MAML1: variants seen among roughly 807,000 people sequenced by gnomAD.
MAML1 encodes the protein mastermind like transcriptional coactivator 1.
A neutral mutation model predicts 77.1 loss-of-function variants in MAML1; 14 were observed. The ratio of observed to expected loss-of-function variants is 0.18; its 90% CI spans 0.12 to 0.28. The LOEUF (loss-of-function observed/expected upper bound fraction) is 0.28, where lower values mean the gene tolerates loss of function less well. MAML1 is among the 10% of genes least tolerant of loss of function. The pLI, the probability that MAML1 is intolerant of heterozygous loss-of-function variation, is 1.00. For synonymous variants in MAML1, 516 were observed against 551.9 expected (o/e 0.93, Z 0.91); for missense variants, 1,217 against 1,327.8 (o/e 0.92, Z 1.30).
At chr5:179,750,543 T>C (rs116663304) in intron 1 of MAML1, among the ~76,000 whole-genome samples, 5,604 of 151,942 alleles carry the variant, frequency 0.037, 126 homozygotes, top group African/African-American at 0.053. Context: ...TCACTGCAAC[T>C]TCTGCTTCCC....
chr5:179,745,359 C>T lies in MAML1; in HGVS notation c.315+11932C>T, dbSNP rs761668378. Among the ~76,000 whole-genome samples, 63 of 152,012 alleles carry T rather than the reference C, an allele frequency of 4.1e-4. 1 individual carries two copies. The highest frequency in any genetic ancestry group is 1.0e-4 in the Non-Finnish European group (7 of 68,010). On this transcript the variant is annotated intron_variant, in intron 1 of 4. Coordinates refer to ENST00000292599, the MANE Select transcript of MAML1 (RefSeq NM_014757.5). The stretch of plus-strand genomic sequence containing the variant: ...CAAAGTAAGAGTTCTCAGTTCAGTT[C>T]TTGTTTTTGTTTTTGTAAATTTAAG...
In MAML1 at chr5:179,765,995, C is replaced by A; in HGVS notation, c.985C>A (p.Pro329Thr). 1 of 1,608,694 alleles carries A rather than the reference C, an allele frequency of 6.2e-7. No individual in the cohort carries two copies. Among genetic ancestry groups the A allele is most frequent in the South Asian group, 1.1e-5 (1 of 90,410 alleles). The change falls in exon 2 of 5, where the codon CCT (proline) becomes ACT (threonine). Residue 329 changes from proline to threonine, a missense_variant. Pro to Thr is a conservative substitution (Grantham distance 38). This residue lies in a region of MAML1 where 884 missense variants were observed against 949.3 expected (regional missense o/e 0.93). Transcript: ENST00000292599. ...GTCTGCAGGGCAGACCTTTCTGGGGCCTTCCTCTGCCCCTGTGAGTACAGA... is the reference window on the plus strand; with the variant it reads ...GTCTGCAGGGCAGACCTTTCTGGGGACTTCCTCTGCCCCTGTGAGTACAGA... ...AGSAGQTFLG[P>T]SSAPVSTDSP...
intron 4 of MAML1, among the ~76,000 whole-genome samples, chr5:179,772,367 T>C (rs1375602162): frequency 6.6e-6 from 1 of 152,204 alleles, no homozygotes; most frequent in Non-Finnish European, 1.5e-5. Context: ...TCTGCCCGCC[T>C]TGGCCTCCCA....
intron 1 of MAML1, among the ~76,000 whole-genome samples, chr5:179,764,369 G>A (rs1779773830): frequency 6.6e-6 from 1 of 152,136 alleles, no homozygotes; most frequent in Non-Finnish European, 1.5e-5. Context: ...ATAAGAAGTA[G>A]TGAGGGGCCG....
intron 1 of MAML1, among the ~76,000 whole-genome samples, chr5:179,743,665 C>G (rs2113341062): frequency 6.6e-6 from 1 of 152,108 alleles, no homozygotes; most frequent in South Asian, 2.1e-4. Context: ...GCGCCCGGCC[C>G]TCGCTCACAC....
chr5:179,766,243 G>A lies in MAML1; in HGVS notation c.1233G>A (p.Met411Ile). 6.2e-7 allele frequency: 1 copy of A among 1,613,890 alleles called. No individual in the cohort carries two copies. Among genetic ancestry groups the A allele is most frequent in the South Asian group, 1.1e-5 (1 of 91,040 alleles). The change falls in exon 2 of 5, where the codon ATG (methionine) becomes ATA (isoleucine). Residue 411 changes from methionine (M) to isoleucine (I), a missense_variant. This residue lies in a region of MAML1 where 884 missense variants were observed against 949.3 expected (regional missense o/e 0.93). Transcript: ENST00000292599. This position sits in a 1 kb window ranked among gnomAD's most constrained non-coding sequence, Gnocchi z 4.0. The stretch of plus-strand genomic sequence containing the variant: ...CTGCCAAGCAGAAGCGCGAGCAGAT[G>A]CTCCAGAACCCACAGCAGGCCACCC... ...QIAAKQKREQMLQNPQQATPA... is the reference protein window; with the variant it reads ...QIAAKQKREQILQNPQQATPA...
In MAML1 at chr5:179,769,991, G is replaced by A. The variant is rs1408937517; in HGVS notation, c.1971+902G>A. Among the ~76,000 whole-genome samples the A allele has an allele frequency of 1.3e-5, 2 of 152,200 alleles. No homozygotes were observed. Among genetic ancestry groups the A allele is most frequent in the Non-Finnish European group, 2.9e-5 (2 of 68,032 alleles). ...CACAGCATACACTTCACCCACGTAA[G>A]TGAACAATTTAGTCATTTTTAGTAT... is the stretch of plus-strand genomic sequence containing the variant. On this transcript the variant is annotated intron_variant, in intron 3 of 4. Transcript: ENST00000292599. This position sits in a 1 kb window ranked among gnomAD's most constrained non-coding sequence, Gnocchi z 4.2.
rs200769535 is a variant in MAML1 at position 179,755,782 on chromosome 5, T to A, written c.316-9544T>A. On this transcript the variant is annotated intron_variant, in intron 1 of 4. Transcript: ENST00000292599. The stretch of plus-strand genomic sequence containing the variant: ...GGCCCAAGACAGTTTTTTTTTTTTT[T>A]AAGACAGAGTCTCATTCTGTCACCC... Among the ~76,000 whole-genome samples, 15 of 151,846 alleles carry A rather than the reference T, an allele frequency of 9.9e-5. No individual in the cohort carries two copies. In the East Asian group the frequency reaches 1.6e-3, roughly 16 times the overall value.
At chr5:179,764,733 G>A (rs1309386866) in intron 1 of MAML1, among the ~76,000 whole-genome samples, 1 of 151,756 alleles carries the variant, frequency 6.6e-6, no homozygotes, top group Non-Finnish European at 1.5e-5. Context: ...AGGCTGAGAC[G>A]GGTGAATCAC....
chr5:179,771,263 C>T lies in MAML1; in HGVS notation c.2068+20C>T, dbSNP rs9329089. On this transcript the variant is annotated intron_variant, in intron 4 of 4. Coordinates refer to ENST00000292599, the MANE Select transcript of MAML1 (RefSeq NM_014757.5). The surrounding 1 kb of genome is among the most constrained non-coding windows in gnomAD (Gnocchi z 4.7). ...TCACAGGTAGGGGGTGTCTGTGTGACGAGCAGGGACAGGGGAGGCCGCTGC... is the reference window on the plus strand; with the variant it reads ...TCACAGGTAGGGGGTGTCTGTGTGATGAGCAGGGACAGGGGAGGCCGCTGC... 7,220 of 1,606,444 alleles carry T rather than the reference C, an allele frequency of 4.5e-3. 253 individuals are homozygous for T. The African/African-American group carries it at 0.082, about 18-fold the overall frequency.
chr5:179,740,113 G>A (rs1260763179), intron 1 of MAML1, among the ~76,000 whole-genome samples: 1 of 152,164 alleles, frequency 6.6e-6, no homozygotes, highest in African/African-American at 2.4e-5. Flanking sequence ...GAAAGTCTTA[G>A]AACATTCCAG....
intron 1 of MAML1, among the ~76,000 whole-genome samples, chr5:179,758,237 T>A (rs1026311363): frequency 6.6e-6 from 1 of 152,216 alleles, no homozygotes; most frequent in East Asian, 1.9e-4. Context: ...GGAATGGAGC[T>A]TATAGGGATC....
Position 179,733,109 on chromosome 5 carries a change from G to A in MAML1, c.-4G>A, listed in dbSNP as rs956316126. The stretch of plus-strand genomic sequence containing the variant: ...CCGGGCCCGGCCCGTGCAGCCCGCG[G>A]CCCATGGTGCTGCCCACCTGCCCCA... On this transcript the variant is annotated 5_prime_UTR_variant, in exon 1 of 5. Coordinates refer to ENST00000292599, the MANE Select transcript of MAML1 (RefSeq NM_014757.5). The A allele has an allele frequency of 2.9e-6, 4 of 1,399,994 alleles. No homozygotes were observed. Among genetic ancestry groups the A allele is most frequent in the African/African-American group, 3.0e-5 (2 of 65,702 alleles). 86.7% of individuals were successfully genotyped at this position (1,399,994 alleles called of 1,614,324 possible).
chr5:179,736,731 G>A (rs1014127126), intron 1 of MAML1, among the ~76,000 whole-genome samples: 1 of 152,074 alleles, frequency 6.6e-6, no homozygotes, highest in African/African-American at 2.4e-5. Flanking sequence ...GGAGGCAGAG[G>A]TGGGTGGATC....
At chr5:179,751,499 G>A (rs1779489212) in intron 1 of MAML1, among the ~76,000 whole-genome samples, 1 of 152,154 alleles carries the variant, frequency 6.6e-6, no homozygotes, top group South Asian at 2.1e-4. Context: ...ATGAGGTCAA[G>A]TTCGAGACCA....
intron 4 of MAML1, among the ~76,000 whole-genome samples, chr5:179,772,924 T>C (rs948943440): frequency 6.6e-6 from 1 of 152,200 alleles, no homozygotes; most frequent in Non-Finnish European, 1.5e-5. Context: ...AGAGTCTTGC[T>C]CTTTCGCCTA....
chr5:179,776,224 C>T lies in MAML1; in HGVS notation c.*1347C>T. The T allele has an allele frequency of 2.0e-6, 2 of 985,942 alleles. No homozygotes were observed. The highest frequency in any genetic ancestry group is 2.4e-6 in the Non-Finnish European group (2 of 829,984). 61.1% of individuals were successfully genotyped at this position (985,942 alleles called of 1,614,324 possible). On this transcript the variant is annotated 3_prime_UTR_variant, in exon 5 of 5. Transcript: ENST00000292599. ...GAGAAAAGAGAATGCTGAAAAGTGG[C>T]TCAGATGCAGAGTGTTCTGTGGAGA...
intron 1 of MAML1, among the ~76,000 whole-genome samples, chr5:179,745,487 G>A (rs1053370475): frequency 2.0e-5 from 3 of 150,868 alleles, no homozygotes; most frequent in Non-Finnish European, 4.4e-5. Context: ...AGGCAGAGGC[G>A]GGCGGATCAC....
In MAML1 at chr5:179,765,935, C is replaced by A. The variant is rs753262731; in HGVS notation, c.925C>A (p.Gln309Lys). Residue 309 changes from glutamine (Q) to lysine (K), a missense_variant, in exon 2 of 5, where the codon CAA becomes AAA. Physicochemically the swap from Gln to Lys is moderately conservative, Grantham distance 53. Coordinates refer to ENST00000292599, the MANE Select transcript of MAML1 (RefSeq NM_014757.5). ...GGAATTCTCTCCAGCAGCCTTTGAG[C>A]AAGAACAGTTAGGCTCTCCACAAGT... ...KTEFSPAAFEQEQLGSPQVRA... is the reference protein window; with the variant it reads ...KTEFSPAAFEKEQLGSPQVRA... 12 of 1,614,154 alleles carry A rather than the reference C, an allele frequency of 7.4e-6. No homozygotes were observed. The Admixed American group carries it at 8.3e-5, about 11-fold the overall frequency.
Sources: allele counts gnomAD v4.1 joint callset (sites outside exome capture counted in the v4.1 genomes callset), GRCh38; gene constraint gnomAD v4.1.1; regional missense constraint gnomAD v4.1.1; non-coding constraint Gnocchi (gnomAD v3.1); transcripts MANE v1.5; gene names NCBI Gene and HGNC (gene_info 2026-07-23, HGNC 2026-07-21).